The following KAT14 variants were observed in gnomAD, a reference collection of about 807,000 sequenced individuals.
The protein encoded by KAT14 is cysteine-rich protein 2-binding protein.
Under a neutral mutation model 78.4 loss-of-function variants are expected in KAT14, and 66 were observed. The ratio of observed to expected loss-of-function variants is 0.84; its 90% CI spans 0.69 to 1.03. The LOEUF is 1.03. Ranked by LOEUF, KAT14 falls within the 50% of genes least tolerant of loss-of-function variation. The pLI, the probability that KAT14 is intolerant of heterozygous loss-of-function variation, is 0.00. For synonymous variants in KAT14, 344 were observed against 359.4 expected, an observed-to-expected ratio of 0.96 and a Z score of 0.48; for missense variants, 870 against 972.5, an observed-to-expected ratio of 0.89 and a Z score of 1.40.
At chr20:18,138,875 A>T (rs2037410007) in intron 1 of KAT14, among the ~76,000 whole-genome samples, 1 of 152,092 alleles carries the variant, frequency 6.6e-6, no homozygotes, top group Non-Finnish European at 1.5e-5. Flanking sequence ...AGGAAACTCC[A>T]CTCTTCCAGA....
At position 18,181,910 on chromosome 20, in the gene KAT14, T is replaced by C. The variant is rs995662617; in HGVS notation, c.1805+64T>C. On this transcript the variant is annotated intron_variant, in intron 8 of 10. Transcript: ENST00000688188. ...TGAGGGATAATGATTGTGGTTTCTG[T>C]GCCCTGTTCTCCTGTTGGAGAGAAT... The C allele has an allele frequency of 3.1e-6, 5 of 1,595,120 alleles. No homozygotes were observed. In the African/African-American group the frequency reaches 4.0e-5, roughly 13 times the overall value.
chr20:18,161,251 CTT>C (rs200268564), intron 5 of KAT14, among the ~76,000 whole-genome samples: 4 of 150,560 alleles, frequency 2.7e-5, no homozygotes, highest in African/African-American at 9.7e-5. Flanking sequence ...CTTTATCAAA[CTT>C]TTTTTTTGGC....
intron 7 of KAT14, among the ~76,000 whole-genome samples, chr20:18,176,190 ACTC>A (rs1213607415): frequency 6.6e-6 from 1 of 151,188 alleles, no homozygotes; most frequent in Non-Finnish European, 1.5e-5. Context: ...TAGTCCCACT[ACTC>A]AGGAGGCTGA....
At chr20:18,159,366 C>T in intron 5 of KAT14, 101 bp downstream of exon 5, 2 of 1,363,136 alleles carry the variant, frequency 1.5e-6, no homozygotes, top group Non-Finnish European at 2.0e-6. Context: ...GGCTCGCAGG[C>T]CTCTCTGGAG....
At chr20:18,148,734 C>T (rs772744130) in intron 3 of KAT14, among the ~76,000 whole-genome samples, 3 of 152,024 alleles carry the variant, frequency 2.0e-5, no homozygotes, top group South Asian at 2.1e-4. Flanking sequence ...TTCAGCCTCC[C>T]GAGTAGCTGG....
At chr20:18,148,348 C>T (rs1016279266) in intron 3 of KAT14, among the ~76,000 whole-genome samples, 6 of 152,188 alleles carry the variant, frequency 3.9e-5, no homozygotes, top group Non-Finnish European at 7.3e-5. Flanking sequence ...CAGTTCCATA[C>T]GTAGGAGAAA....
Position 18,159,229 on chromosome 20 carries a change from G to A in KAT14, c.646G>A (p.Gly216Arg). The A allele has an allele frequency of 1.2e-6, 2 of 1,614,006 alleles. No individual in the cohort carries two copies. Among genetic ancestry groups the A allele is most frequent in the Non-Finnish European group, 8.5e-7 (1 of 1,179,986 alleles). The change falls in exon 5 of 11, where the codon GGA (glycine) becomes AGA (arginine). Residue 216 changes from glycine to arginine, a missense_variant. By Grantham distance (125) the Gly-to-Arg change is moderately radical. Transcript: ENST00000688188. ...HNKPPTMKPE[G>R]EKLSASTLKI... is the part of the protein sequence containing the mutation. ...CAAGCCCCCAACGATGAAACCTGAA[G>A]GAGAGAAGTTGTCTGCCTCTACTTT...
chr20:18,166,214 T>C (rs1031880797), intron 7 of KAT14, among the ~76,000 whole-genome samples: 1 of 152,150 alleles, frequency 6.6e-6, no homozygotes, highest in African/African-American at 2.4e-5. Context: ...AGCAGACATA[T>C]TTATCCCTTA....
intron 2 of KAT14, among the ~76,000 whole-genome samples, chr20:18,143,615 A>ATCTTT (rs2037678694): frequency 9.6e-6 from 1 of 103,998 alleles, no homozygotes; most frequent in East Asian, 2.5e-4. Flanking sequence ...CACCTGGCTA[A>ATCTTT]TTTTTTTTTT....
chr20:18,143,257 G>C (rs906831345), intron 2 of KAT14: 21 of 825,078 alleles, frequency 2.5e-5, no homozygotes, highest in Non-Finnish European at 2.9e-5. Context: ...TTGAATTCAT[G>C]TTCAAGTTTA....
rs746800045 is a variant in KAT14 at position 18,184,708 on chromosome 20, T to A, written c.2088T>A (p.Asn696Lys). The change falls in exon 10 of 11, where the codon AAT becomes AAA. Residue 696 changes from asparagine (N) to lysine (K), a missense_variant. Asn to Lys is a moderately conservative substitution (Grantham distance 94, BLOSUM62 0). Coordinates refer to ENST00000688188, the MANE Select transcript of KAT14 (RefSeq NM_001392073.1). The part of the protein sequence containing the change: ...FGFMVPDVKY[N>K]EAYISFLFVH... Reference sequence around the variant, plus strand: ...TCATGGTTCCTGATGTGAAATACAATGAAGCTTACATTTCATTTCTGTTCG... The same window carrying A: ...TCATGGTTCCTGATGTGAAATACAAAGAAGCTTACATTTCATTTCTGTTCG... The A allele has an allele frequency of 3.1e-6, 5 of 1,613,850 alleles. No individual in the cohort carries two copies. The Admixed American group carries it at 8.4e-5, about 27-fold the overall frequency.
chr20:18,162,375 A>G lies in KAT14; in HGVS notation c.1100-2A>G, dbSNP rs780036515. 5 of 1,610,998 alleles carry G rather than the reference A, an allele frequency of 3.1e-6. No individual in the cohort carries two copies. Among genetic ancestry groups the G allele is most frequent in the Non-Finnish European group, 4.2e-6 (5 of 1,178,644 alleles). On this transcript the variant is annotated splice_acceptor_variant, in intron 6 of 10. Coordinates refer to ENST00000688188, the MANE Select transcript of KAT14 (RefSeq NM_001392073.1). LOFTEE classifies it high-confidence loss of function. ...GATGACACTGTTTTGTACTCTGCACAGATGACGATGAGATGGAAGGCGATG... is the reference window on the plus strand; with the variant it reads ...GATGACACTGTTTTGTACTCTGCACGGATGACGATGAGATGGAAGGCGATG...
chr20:18,180,540 C>G (rs574589077), intron 7 of KAT14, among the ~76,000 whole-genome samples: 7 of 152,166 alleles, frequency 4.6e-5, no homozygotes, highest in Non-Finnish European at 4.4e-5. Flanking sequence ...ATCTTTTCAG[C>G]AACACCCCAC....
chr20:18,182,482 G>A (rs2039295484), intron 8 of KAT14, among the ~76,000 whole-genome samples: 1 of 152,210 alleles, frequency 6.6e-6, no homozygotes, highest in Non-Finnish European at 1.5e-5. Context: ...ATGAAAAAAT[G>A]TGAAAGACAT....
rs761563935 is a variant in KAT14, at chr20:18,142,935, A to G, written c.259+16A>G. ...ATACCAGCCAGTAAGGAGCTTCTCAATTCCTTTGATTTGTCAATTCCTGTG... is the reference window on the plus strand; with the variant it reads ...ATACCAGCCAGTAAGGAGCTTCTCAGTTCCTTTGATTTGTCAATTCCTGTG... On this transcript the variant is annotated intron_variant, in intron 2 of 10. Coordinates refer to ENST00000688188, the MANE Select transcript of KAT14 (RefSeq NM_001392073.1). 14 of 1,608,914 alleles carry G rather than the reference A, an allele frequency of 8.7e-6. No homozygotes were observed. Among genetic ancestry groups the G allele is most frequent in the South Asian group, 5.5e-5 (5 of 90,992 alleles).
At chr20:18,137,764 G>A (rs1353386067), upstream of KAT14, 6 of 515,410 alleles carry the variant, frequency 1.2e-5, no homozygotes, top group African/African-American at 4.0e-5. Context: ...CCAAGAGTTC[G>A]TAGAGCCTGG....
intron 2 of KAT14, chr20:18,143,195 A>G: frequency 8.7e-7 from 1 of 1,152,694 alleles, no homozygotes; most frequent in South Asian, 2.7e-5. Context: ...AGAATTAGCC[A>G]TATTTTTCTA....
At chr20:18,152,342 C>A (rs1316129758) in intron 4 of KAT14, among the ~76,000 whole-genome samples, 1 of 151,978 alleles carries the variant, frequency 6.6e-6, no homozygotes, top group Non-Finnish European at 1.5e-5. Flanking sequence ...TTTGGGAGGC[C>A]GAGGCGAGCA....
intron 4 of KAT14, among the ~76,000 whole-genome samples, chr20:18,157,239 A>G (rs556914803): frequency 6.6e-6 from 1 of 152,286 alleles, no homozygotes; most frequent in Admixed American, 6.5e-5. Flanking sequence ...TGTTTGAGAT[A>G]GGGTTTCACC....
Sources: gnomAD v4.1 joint callset for allele counts (sites outside exome capture counted in the v4.1 genomes callset) on GRCh38, gnomAD v4.1.1 for gene constraint, MANE v1.5 for transcripts, NCBI Gene and HGNC (gene_info 2026-07-23, HGNC 2026-07-21) for gene names.